The following ARHGAP33 variants were observed in gnomAD, a reference collection of about 807,000 sequenced individuals.
The protein encoded by ARHGAP33 is Rho GTPase activating protein 33, also known as rho GTPase-activating protein 33.
ARHGAP33 carries 57 observed loss-of-function variants against 126.2 expected under a neutral mutation model. The ratio of observed to expected loss-of-function variants is 0.45; its 90% CI spans 0.36 to 0.56. The LOEUF is 0.56. ARHGAP33 is among the 20% of genes least tolerant of loss of function. The probability of loss-of-function intolerance (pLI) is 0.00; values close to 1 mark genes in which losing one functional copy is unlikely to be tolerated. For synonymous variants in ARHGAP33, 711 were observed against 755.0 expected (o/e 0.94, Z 0.95); for missense variants, 1,500 against 1,748.3 (o/e 0.86, Z 2.53).
At chr19:35,783,909 CAGAT>C (rs1971943291) in intron 15 of ARHGAP33, among the ~76,000 whole-genome samples, 1 of 125,498 alleles carries the variant, frequency 8.0e-6, no homozygotes, top group Non-Finnish European at 1.6e-5. Flanking sequence ...GAGGGGGTGA[CAGAT>C]TGATTGTGGG....
chr19:35,778,225 C>A, intron 3 of ARHGAP33, 55 bp from the exon 4 acceptor site: 1 of 1,589,382 alleles, frequency 6.3e-7, no homozygotes, highest in South Asian at 1.1e-5. Flanking sequence ...AGTGCCATCC[C>A]CAGGAGGTCA....
At chr19:35,784,678 C>G in intron 16 of ARHGAP33, 1 of 1,240,542 alleles carries the variant, frequency 8.1e-7, no homozygotes, top group Non-Finnish European at 1.0e-6. Context: ...AGTCAGGACT[C>G]AGCACGTCGG....
At chr19:35,787,105 G>T in intron 20 of ARHGAP33, 33 bp downstream of exon 20, 1 of 1,597,472 alleles carries the variant, frequency 6.3e-7, no homozygotes, top group Non-Finnish European at 8.5e-7. Flanking sequence ...CCCTGTCCCC[G>T]CCAGCTGTCA....
chr19:35,777,664 T>C lies in ARHGAP33; in HGVS notation c.26T>C (p.Leu9Pro), dbSNP rs750614808. The C allele has an allele frequency of 8.9e-6, 14 of 1,579,008 alleles. No homozygotes were observed. The highest frequency in any genetic ancestry group is 4.3e-6 in the Non-Finnish European group (5 of 1,162,056). ...CTACAGGCACGCAGCACTGACAGCC[T>C]GGATGGCCCAGGGGAGGGCTCGGTG... MVARSTDS[L>P]DGPGEGSVQP... The change falls in exon 2 of 21, where the codon CTG becomes CCG. Residue 9 changes from leucine to proline, a missense_variant. By Grantham distance (98) the Leu-to-Pro change is moderately conservative. Coordinates refer to ENST00000007510, the MANE Select transcript of ARHGAP33 (RefSeq NM_001366178.1).
At chr19:35,781,544 CAG>C (rs1379606337) in intron 12 of ARHGAP33, among the ~76,000 whole-genome samples, 14 of 152,290 alleles carry the variant, frequency 9.2e-5, no homozygotes, top group South Asian at 2.1e-4. Flanking sequence ...AAGAGACAAA[CAG>C]GGGAGGGATA....
rs756366461 is a variant in ARHGAP33, at chr19:35,786,836, C to T, written c.2366C>T (p.Ser789Leu). Residue 789 changes from serine (S) to leucine (L), a missense_variant, in exon 20 of 21, where the codon TCG becomes TTG. This residue lies in a region of ARHGAP33 where 73 missense variants were observed against 110.8 expected (regional missense o/e 0.66). Transcript: ENST00000007510. The surrounding 1 kb of genome is among the most constrained non-coding windows in gnomAD (Gnocchi z 7.0). Reference sequence around the variant, plus strand: ...CCCCGGGGGCCCACCAGCCCCGCCTCGCCTGCTGCCCTAGACATCTCAGAG... The same window carrying T: ...CCCCGGGGGCCCACCAGCCCCGCCTTGCCTGCTGCCCTAGACATCTCAGAG... ...ISPRGPTSPA[S>L]PAALDISEPL... 46 of 1,570,190 alleles carry T rather than the reference C, an allele frequency of 2.9e-5. No individual in the cohort carries two copies. In the South Asian group the frequency reaches 3.2e-4, roughly 11 times the overall value.
chr19:35,775,722 AGCCCCGCCCCGCGCGCCCCGCCCCCG>A (rs1189534617), intron 1 of ARHGAP33, 58 bp downstream of exon 1: 2 of 1,461,194 alleles, frequency 1.4e-6, no homozygotes, highest in Non-Finnish European at 1.8e-6. Flanking sequence ...GTCCGTGCGC[AGCCCCGCCCCGCGCGCCCCGCCCCCG>A]GCCCCGCCCG....
rs764567583 is a variant in ARHGAP33, at chr19:35,788,011, A to G, written c.3446A>G (p.His1149Arg). 7.7e-7 allele frequency: 1 copy of G among 1,293,864 alleles called. No individual in the cohort carries two copies. Among genetic ancestry groups the G allele is most frequent in the East Asian group, 4.9e-5 (1 of 20,300 alleles). 80.1% of individuals were successfully genotyped at this position (1,293,864 alleles called of 1,614,324 possible). The change falls in exon 21 of 21, where the codon CAC (histidine) becomes CGC (arginine). Residue 1149 changes from histidine (H) to arginine (R), a missense_variant. By Grantham distance (29) the His-to-Arg change is conservative (BLOSUM62 0). Around this residue, in one of 6 missense-constraint regions of ARHGAP33, gnomAD observed 642 missense variants for 634.0 expected, o/e 1.01. Transcript: ENST00000007510. ...GCCCCCTCCTGCTTTCCCCCTGACCACCTTGGCTACTCAGCCCCCCAGCAC... is the reference window on the plus strand; with the variant it reads ...GCCCCCTCCTGCTTTCCCCCTGACCGCCTTGGCTACTCAGCCCCCCAGCAC... Reference protein sequence around the residue: ...PPAPSCFPPDHLGYSAPQHPA... With the variant: ...PPAPSCFPPDRLGYSAPQHPA...
chr19:35,777,035 G>T (rs1202771259), intron 1 of ARHGAP33, among the ~76,000 whole-genome samples: 2 of 150,988 alleles, frequency 1.3e-5, no homozygotes, highest in Non-Finnish European at 2.9e-5. Context: ...TGAGAAGAGG[G>T]TGCTTTTTTT....
intron 8 of ARHGAP33, 39 bp from the exon 9 acceptor site, chr19:35,780,543 A>G: frequency 6.2e-7 from 1 of 1,613,058 alleles, no homozygotes; most frequent in South Asian, 1.1e-5. Context: ...GGTACCTGCC[A>G]ACTGGGGTGG....
In ARHGAP33 at chr19:35,787,753, G is replaced by C. The variant is rs757969131; in HGVS notation, c.3188G>C (p.Ser1063Thr). Residue 1063 changes from serine (S) to threonine (T), a missense_variant, in exon 21 of 21, where the codon AGT becomes ACT. Coordinates refer to ENST00000007510, the MANE Select transcript of ARHGAP33 (RefSeq NM_001366178.1). ...YPLGPPSFQP[S>T]SPAPVWRSSL... ...CTGGGCCCCCCATCCTTCCAGCCCA[G>C]TTCCCCAGCCCCAGTCTGGAGGAGC... 1.3e-6 allele frequency: 2 copies of C among 1,580,632 alleles called. No homozygotes were observed. Among genetic ancestry groups the C allele is most frequent in the Non-Finnish European group, 1.7e-6 (2 of 1,169,352 alleles).
chr19:35,788,144 C>A lies in ARHGAP33; in HGVS notation c.3579C>A (p.Pro1193=). The part of the protein sequence containing the change: ...SSSSSSPPAH[P]RSRSDPGPPV... ...CCTCCTCTTCCCCTCCTGCCCACCC[C>A]CGAAGCCGTTCAGATCCCGGTCCCC... The change falls in exon 21 of 21, where the codon CCC becomes CCA. Residue 1193 remains proline (P), a synonymous_variant. Coordinates refer to ENST00000007510, the MANE Select transcript of ARHGAP33 (RefSeq NM_001366178.1). 6.2e-7 allele frequency: 1 copy of A among 1,611,276 alleles called. No homozygotes were observed. Among genetic ancestry groups the A allele is most frequent in the Non-Finnish European group, 8.5e-7 (1 of 1,178,978 alleles).
intron 6 of ARHGAP33, 151 bp from the exon 7 acceptor site, chr19:35,780,060 A>G: frequency 1.8e-6 from 2 of 1,123,196 alleles, no homozygotes; most frequent in East Asian, 2.4e-5. Flanking sequence ...CATCCCTACA[A>G]ACAGGAATCT....
In ARHGAP33 at chr19:35,788,534, G is replaced by C; in HGVS notation, c.*105G>C. The C allele has an allele frequency of 1.9e-6, 2 of 1,065,934 alleles. No individual in the cohort carries two copies. Among genetic ancestry groups the C allele is most frequent in the Non-Finnish European group, 2.6e-6 (2 of 771,408 alleles). The allele number at this position is 1,065,934 out of a possible 1,614,324, so 66.0% of individuals were successfully genotyped here. On this transcript the variant is annotated 3_prime_UTR_variant, in exon 21 of 21. Coordinates refer to ENST00000007510, the MANE Select transcript of ARHGAP33 (RefSeq NM_001366178.1). ...TTCTTGAACCCCGACCACTACCCCAGGTTTCTAACTTTGTAACTTGCTTCT... is the reference window on the plus strand; with the variant it reads ...TTCTTGAACCCCGACCACTACCCCACGTTTCTAACTTTGTAACTTGCTTCT...
chr19:35,781,680 G>A (rs1309063921), intron 12 of ARHGAP33, among the ~76,000 whole-genome samples: 3 of 152,216 alleles, frequency 2.0e-5, no homozygotes, highest in Non-Finnish European at 4.4e-5. Context: ...CTCATGCGAG[G>A]GTCTGGAGGA....
chr19:35,781,274 T>A (rs770239032), intron 12 of ARHGAP33, 22 bp downstream of exon 12: 64 of 1,611,958 alleles, frequency 4.0e-5, no homozygotes, highest in Non-Finnish European at 5.3e-5. Context: ...TAGCCAACCC[T>A]GTCCTTCCAC....
In ARHGAP33 at chr19:35,787,180, A is replaced by T. The variant is rs1254310220; in HGVS notation, c.2615A>T (p.Glu872Val). The T allele has an allele frequency of 6.2e-7, 1 of 1,610,328 alleles. No individual in the cohort carries two copies. Among genetic ancestry groups the T allele is most frequent in the South Asian group, 1.1e-5 (1 of 90,976 alleles). The change falls in exon 21 of 21, where the codon GAG becomes GTG. Residue 872 changes from glutamate to valine, a missense_variant. Transcript: ENST00000007510. Reference sequence around the variant, plus strand: ...TTCATTTATATAGGTCCTGATATGGAGTCACCACTGCCACCCCCTCCCCTG... The same window carrying T: ...TTCATTTATATAGGTCCTGATATGGTGTCACCACTGCCACCCCCTCCCCTG... ...GAQGPLGPDM[E>V]SPLPPPPLSL...
At chr19:35,783,354 G>A (rs1448781900) in intron 15 of ARHGAP33, among the ~76,000 whole-genome samples, 2 of 152,220 alleles carry the variant, frequency 1.3e-5, no homozygotes, top group East Asian at 1.9e-4. Flanking sequence ...GTCAGAGGAC[G>A]GGCGTAAGAT....
intron 16 of ARHGAP33, 145 bp from the exon 17 acceptor site, chr19:35,784,808 C>T: frequency 7.2e-7 from 1 of 1,384,224 alleles, no homozygotes. Flanking sequence ...TGCCCGCCTG[C>T]TCCCGCCTGA....
Sources: allele counts gnomAD v4.1 joint callset (sites outside exome capture counted in the v4.1 genomes callset), GRCh38; gene constraint gnomAD v4.1.1; regional missense constraint gnomAD v4.1.1; non-coding constraint Gnocchi (gnomAD v3.1); transcripts MANE v1.5; gene names NCBI Gene and HGNC (gene_info 2026-07-23, HGNC 2026-07-21).